The following DNAAF1 variants were observed in gnomAD, a reference collection of about 807,000 sequenced individuals.
DNAAF1 encodes dynein axonemal assembly factor 1, also known as dynein assembly factor 1, axonemal.
DNAAF1 carries 65 observed loss-of-function variants against 71.1 expected under a neutral mutation model. That is an observed-to-expected ratio of 0.91 (90% CI 0.75 to 1.12). The LOEUF is 1.12. Ranked by LOEUF, DNAAF1 falls within the 50% of genes most tolerant of loss-of-function variation. The pLI is 0.00. For missense variants in DNAAF1, 1,178 were observed against 899.8 expected (o/e 1.31, Z -3.96); for synonymous variants, 414 against 354.6 (o/e 1.17, Z -1.88).
chr16:84,149,202 C>T (rs547159795), intron 2 of DNAAF1, 60 bp downstream of exon 2: 3 of 1,591,932 alleles, frequency 1.9e-6, no homozygotes, highest in African/African-American at 2.7e-5. Flanking sequence ...GGCGTAATCA[C>T]CCCCTTGTAC....
chr16:84,156,935 C>T (rs2087466215), intron 5 of DNAAF1, among the ~76,000 whole-genome samples: 1 of 149,324 alleles, frequency 6.7e-6, no homozygotes, highest in East Asian at 2.0e-4. Context: ...TCACTGCAGC[C>T]TCAACCTCCT....
intron 4 of DNAAF1, among the ~76,000 whole-genome samples, chr16:84,155,131 A>G (rs1372466269): frequency 6.6e-6 from 1 of 152,220 alleles, no homozygotes; most frequent in East Asian, 1.9e-4. Context: ...GATGGTCTCG[A>G]TCTCCTGACC....
At chr16:84,171,557 C>T (rs1023611422) in intron 8 of DNAAF1, among the ~76,000 whole-genome samples, 2 of 152,220 alleles carry the variant, frequency 1.3e-5, no homozygotes, top group African/African-American at 4.8e-5. Flanking sequence ...TATGAAACTG[C>T]ACAAGCTCTG....
chr16:84,150,415 C>A, intron 3 of DNAAF1, 73 bp downstream of exon 3: 2 of 1,150,590 alleles, frequency 1.7e-6, no homozygotes, highest in Non-Finnish European at 2.6e-6. Flanking sequence ...AAATTACTTG[C>A]AGGGATCACC....
intron 2 of DNAAF1, among the ~76,000 whole-genome samples, chr16:84,149,700 A>AAC (rs1015396438): frequency 1.3e-5 from 2 of 151,180 alleles, no homozygotes; most frequent in African/African-American, 4.9e-5. Flanking sequence ...CAAAAAAAAA[A>AAC]AAAAAAAAAC....
intron 8 of DNAAF1, among the ~76,000 whole-genome samples, 199 bp from the exon 9 acceptor site, chr16:84,172,061 A>T (rs112089839): frequency 2.6e-5 from 4 of 152,092 alleles, no homozygotes; most frequent in African/African-American, 9.6e-5. Context: ...CATTTTTAAT[A>T]GACACGGGGG....
chr16:84,177,682 C>T (rs370548345), intron 11 of DNAAF1, 47 bp from the exon 12 acceptor site: 5 of 1,509,014 alleles, frequency 3.3e-6, no homozygotes, highest in Admixed American at 1.7e-5. Flanking sequence ...CCTGTCCTTG[C>T]AGTCACAGTG....
chr16:84,149,230 C>G, intron 2 of DNAAF1, 88 bp downstream of exon 2: 1 of 1,539,994 alleles, frequency 6.5e-7, no homozygotes, highest in Non-Finnish European at 9.0e-7. Flanking sequence ...GAAATAGAGG[C>G]TGGTAGAGAT....
intron 8 of DNAAF1, among the ~76,000 whole-genome samples, chr16:84,171,918 C>T (rs1293368209): frequency 6.7e-6 from 1 of 150,078 alleles, no homozygotes; most frequent in Non-Finnish European, 1.5e-5. Context: ...CGCTCTATCA[C>T]CCAGGCTGGA....
At chr16:84,155,269 C>T (rs2151222010) in intron 4 of DNAAF1, among the ~76,000 whole-genome samples, 1 of 152,268 alleles carries the variant, frequency 6.6e-6, no homozygotes, top group African/African-American at 2.4e-5. Flanking sequence ...TGCTCTGTCA[C>T]CCAGGCTGAA....
rs903464725 is a variant in DNAAF1, at chr16:84,170,493, G to C, written c.1528+137G>C. ...TGTTTCTAGAAGATAATGGACACTA[G>C]TTATCTTGTTTTCTAGAACAGGGCT... On this transcript the variant is annotated intron_variant, in intron 8 of 11. Transcript: ENST00000378553. 3.6e-6 allele frequency: 5 copies of C among 1,380,048 alleles called. No individual in the cohort carries two copies. The African/African-American group carries it at 5.7e-5, about 16-fold the overall frequency. The allele number at this position is 1,380,048 out of a possible 1,614,324, so 85.5% of individuals were successfully genotyped here.
chr16:84,176,534 C>A (rs758707611), intron 11 of DNAAF1: 1 of 627,818 alleles, frequency 1.6e-6, no homozygotes, highest in Non-Finnish European at 2.8e-6. Context: ...TCCTCTTGGG[C>A]AGCCGAGTCT....
intron 5 of DNAAF1, 88 bp downstream of exon 5, chr16:84,155,837 C>G (rs2087400940): frequency 6.7e-7 from 1 of 1,494,148 alleles, no homozygotes; most frequent in Non-Finnish European, 9.1e-7. Flanking sequence ...TTTGTCTTTT[C>G]TCTCCTTCCT....
At chr16:84,158,554 G>A (rs1036254956) in intron 5 of DNAAF1, among the ~76,000 whole-genome samples, 1 of 152,150 alleles carries the variant, frequency 6.6e-6, no homozygotes, top group Admixed American at 6.5e-5. Context: ...ACACAATTCA[G>A]CCCAGAACGA....
chr16:84,146,039 G>A (rs1028919226), intron 1 of DNAAF1, among the ~76,000 whole-genome samples: 2 of 152,132 alleles, frequency 1.3e-5, no homozygotes, highest in Non-Finnish European at 2.9e-5. Flanking sequence ...GGAGGTTGCA[G>A]TGAGCCAAGA....
In DNAAF1 at chr16:84,159,739, CTG is replaced by C; in HGVS notation, c.808_809del (p.Val270ThrfsTer10). The C allele has an allele frequency of 6.2e-7, 1 of 1,614,028 alleles. No homozygotes were observed. The highest frequency in any genetic ancestry group is 8.5e-7 in the Non-Finnish European group (1 of 1,179,946). ...ATTCCTAATTACAGAAGGACAGTCACTGTACGACTAAAGCACTTAACATACCT... is the reference window on the plus strand; with the variant it reads ...ATTCCTAATTACAGAAGGACAGTCACTACGACTAAAGCACTTAACATACCT... On this transcript the variant is annotated frameshift_variant, in exon 6 of 12. Transcript: ENST00000378553. LOFTEE classifies it high-confidence loss of function.
intron 6 of DNAAF1, among the ~76,000 whole-genome samples, chr16:84,161,207 A>G (rs554863491): frequency 6.6e-6 from 1 of 152,196 alleles, no homozygotes; most frequent in African/African-American, 2.4e-5. Context: ...TGTGAGCAAC[A>G]TGCAGGACTC....
At position 84,176,210 on chromosome 16, in the gene DNAAF1, T is replaced by C. The variant is rs2288022; in HGVS notation, c.1976T>C (p.Leu659Pro). ...ELSDEDPSGQ[L>P]LMPPTCQRDA... ...AGCGACGAGGACCCCTCTGGCCAGC[T>C]ACTGATGCCCCCCACCTGCCAAAGA... The change falls in exon 11 of 12, where the codon CTA becomes CCA. Residue 659 changes from leucine (L) to proline (P), a missense_variant. Leu to Pro is a moderately conservative substitution (Grantham distance 98, BLOSUM62 -3). Coordinates refer to ENST00000378553, the MANE Select transcript of DNAAF1 (RefSeq NM_178452.6). 557,878 of 1,613,468 alleles carry C rather than the reference T, an allele frequency of 0.35. 99,929 individuals carry two copies. Among genetic ancestry groups the C allele is most frequent in the Admixed American group, 0.45 (26,692 of 59,978 alleles).
At chr16:84,150,106 A>AGAAAAAGAC (rs2087115265) in intron 2 of DNAAF1, 145 bp from the exon 3 acceptor site, 1 of 651,206 alleles carries the variant, frequency 1.5e-6, no homozygotes, top group South Asian at 1.8e-5. Context: ...AAGGAGAAAG[A>AGAAAAAGAC]GAAAAAGACG....
Sources: allele counts gnomAD v4.1 joint callset (sites outside exome capture counted in the v4.1 genomes callset), GRCh38; gene constraint gnomAD v4.1.1; transcripts MANE v1.5; gene names NCBI Gene and HGNC (gene_info 2026-07-23, HGNC 2026-07-21).